RNF146: variants seen among roughly 807,000 people sequenced by gnomAD.
The protein encoded by RNF146 is ring finger protein 146.
RNF146 carries 11 observed loss-of-function variants against 29.7 expected under a neutral mutation model. The ratio of observed to expected loss-of-function variants is 0.37; its 90% confidence interval spans 0.23 to 0.61. RNF146 has a LOEUF of 0.61. Among genes scored for constraint, RNF146 ranks in the 20% least tolerant of loss-of-function variants. The pLI is 0.66. For missense variants in RNF146, 342 were observed against 438.9 expected (o/e 0.78, Z 1.97); for synonymous variants, 150 against 159.7 (o/e 0.94, Z 0.46).
rs1434737927 is a variant in RNF146 at position 127,288,516 on chromosome 6, A to G, written c.*823A>G. On this transcript the variant is annotated 3_prime_UTR_variant, in exon 3 of 3. Coordinates refer to ENST00000368314, the MANE Select transcript of RNF146 (RefSeq NM_001242850.2). ...TTTTTTTCTTAGAGATTATTTAAACAGAATCTATAGGCAGTGTGTATATAA... is the reference window on the plus strand; with the variant it reads ...TTTTTTTCTTAGAGATTATTTAAACGGAATCTATAGGCAGTGTGTATATAA... The G allele has an allele frequency of 6.0e-6, 1 of 166,924 alleles. No individual in the cohort carries two copies. Among genetic ancestry groups the G allele is most frequent in the Non-Finnish European group, 1.5e-5 (1 of 68,042 alleles). The allele number at this position is 166,924 out of a possible 1,614,324, so 10.3% of individuals were successfully genotyped here. A position where few individuals can be genotyped will look rare whatever the true frequency, so the allele number is the denominator to read the frequency against.
rs1779810089 is a variant in RNF146, at chr6:127,288,488, T to G, written c.*795T>G. 1 of 166,934 alleles carries G rather than the reference T, an allele frequency of 6.0e-6. No homozygotes were observed. The highest frequency in any genetic ancestry group is 2.1e-4 in the South Asian group (1 of 4,836). The allele number at this position is 166,934 out of a possible 1,614,324, so 10.3% of individuals were successfully genotyped here. A position where few individuals can be genotyped will look rare whatever the true frequency, so the allele number is the denominator to read the frequency against. The stretch of plus-strand genomic sequence containing the variant: ...GCTTAATCACCTGCTCAGAAAAGTT[T>G]GATTTTTTTCTTAGAGATTATTTAA... On this transcript the variant is annotated 3_prime_UTR_variant, in exon 3 of 3. Coordinates refer to ENST00000368314, the MANE Select transcript of RNF146 (RefSeq NM_001242850.2).
At chr6:127,272,080 A>G (rs1294612802) in intron 1 of RNF146, among the ~76,000 whole-genome samples, 2 of 152,328 alleles carry the variant, frequency 1.3e-5, no homozygotes, top group Middle Eastern at 3.4e-3. Context: ...TTAAAGGTAA[A>G]TTTGAATTTG....
intron 1 of RNF146, 71 bp downstream of exon 1, chr6:127,266,996 G>A (rs1188180981): frequency 6.6e-6 from 1 of 152,408 alleles, no homozygotes. Flanking sequence ...CTCACTCGGG[G>A]AGAGGAGGCA....
At chr6:127,278,149 T>C (rs1454839674) in intron 1 of RNF146, among the ~76,000 whole-genome samples, 2 of 152,042 alleles carry the variant, frequency 1.3e-5, no homozygotes, top group East Asian at 1.9e-4. Context: ...CTGTGTAATA[T>C]GATGTGCGTC....
chr6:127,268,768 A>G (rs964052555), intron 1 of RNF146, among the ~76,000 whole-genome samples: 1 of 152,164 alleles, frequency 6.6e-6, no homozygotes, highest in Admixed American at 6.5e-5. Flanking sequence ...AAAAAGAAAT[A>G]ACTTCTTTTA....
chr6:127,277,746 G>A (rs1303077209), intron 1 of RNF146, among the ~76,000 whole-genome samples: 1 of 152,028 alleles, frequency 6.6e-6, no homozygotes, highest in Non-Finnish European at 1.5e-5. Flanking sequence ...GATTAAGGGT[G>A]AGTCTGCCTT....
chr6:127,270,906 C>G (rs138907712), intron 1 of RNF146, among the ~76,000 whole-genome samples: 1 of 151,744 alleles, frequency 6.6e-6, no homozygotes, highest in Non-Finnish European at 1.5e-5. Flanking sequence ...ACCTCCACCT[C>G]CCAGATTCAA....
chr6:127,273,868 C>T (rs1777830498), intron 1 of RNF146, among the ~76,000 whole-genome samples: 1 of 152,108 alleles, frequency 6.6e-6, no homozygotes, highest in Non-Finnish European at 1.5e-5. Flanking sequence ...GTTATGGTCA[C>T]TGATACATTC....
rs140369665 is a variant in RNF146 at position 127,287,210 on chromosome 6, C to T, written c.597C>T (p.Asp199=). 117 of 1,613,122 alleles carry T rather than the reference C, an allele frequency of 7.3e-5. No individual in the cohort carries two copies. Among genetic ancestry groups the T allele is most frequent in the East Asian group, 1.3e-4 (6 of 44,844 alleles). ...ACCTAGCAAGAGAGAGCTCTGCTGA[C>T]GGAGCGGACAGTGTATCAGCACAGA... is the stretch of plus-strand genomic sequence containing the variant. ...TVNLARESSA[D]GADSVSAQSG... The change falls in exon 3 of 3, where the codon GAC becomes GAT. Residue 199 remains aspartate (D), a synonymous_variant. Transcript: ENST00000368314.
chr6:127,286,343 T>C lies in RNF146; in HGVS notation c.3-273T>C. The C allele has an allele frequency of 1.7e-6, 1 of 581,182 alleles. No individual in the cohort carries two copies. Among genetic ancestry groups the C allele is most frequent in the Non-Finnish European group, 2.7e-6 (1 of 373,342 alleles). The allele number at this position is 581,182 out of a possible 1,614,324, so 36.0% of individuals were successfully genotyped here. A position where few individuals can be genotyped will look rare whatever the true frequency, so the allele number is the denominator to read the frequency against. ...TCCCCTCACTGGATGCAGCTTTTCA[T>C]TATATAGTTCTTCAGTGTGTTTCTC... is the stretch of plus-strand genomic sequence containing the variant. On this transcript the variant is annotated intron_variant, in intron 2 of 2. Transcript: ENST00000368314. This position sits in a 1 kb window ranked among gnomAD's most constrained non-coding sequence, Gnocchi z 4.6.
chr6:127,284,579 C>A (rs1426681081), intron 2 of RNF146, among the ~76,000 whole-genome samples: 2 of 151,850 alleles, frequency 1.3e-5, no homozygotes, highest in African/African-American at 4.8e-5. Flanking sequence ...GAAAACCTAA[C>A]AAAATGTGTG....
At chr6:127,280,094 A>G (rs926399007) in intron 1 of RNF146, 137 bp from the exon 2 acceptor site, 4 of 490,928 alleles carry the variant, frequency 8.1e-6, no homozygotes, top group African/African-American at 1.9e-5. Flanking sequence ...GTCATGTTGA[A>G]TAGCAGTGGT....
At chr6:127,266,847 C>G (rs972421644), upstream of RNF146, 22 of 151,742 alleles carry the variant, frequency 1.4e-4, no homozygotes, top group African/African-American at 5.3e-4. Flanking sequence ...CACGTGACGG[C>G]CGCGCGCGTT....
intron 2 of RNF146, among the ~76,000 whole-genome samples, chr6:127,285,776 TCTTA>T (rs758140930): frequency 7.2e-4 from 110 of 151,934 alleles, no homozygotes; most frequent in Non-Finnish European, 1.1e-3. Flanking sequence ...CTCATCTCTC[TCTTA>T]CTGTTATTTT....
At chr6:127,267,771 T>A (rs1413971396) in intron 1 of RNF146, among the ~76,000 whole-genome samples, 1 of 152,184 alleles carries the variant, frequency 6.6e-6, no homozygotes, top group Non-Finnish European at 1.5e-5. Flanking sequence ...ACCCTCTGCA[T>A]CTTAAAAGCT....
Position 127,288,018 on chromosome 6 carries a change from A to T in RNF146, c.*325A>T. ...TCTGTGCATTAATGGTCCTCATCTG[A>T]CTCCTGCATTGTGTCTTATTTTTCT... On this transcript the variant is annotated 3_prime_UTR_variant, in exon 3 of 3. Coordinates refer to ENST00000368314, the MANE Select transcript of RNF146 (RefSeq NM_001242850.2). 5.3e-6 allele frequency: 1 copy of T among 188,798 alleles called. No homozygotes were observed. Among genetic ancestry groups the T allele is most frequent in the Non-Finnish European group, 1.2e-5 (1 of 82,216 alleles). The allele number at this position is 188,798 out of a possible 1,614,324, so 11.7% of individuals were successfully genotyped here. A position where few individuals can be genotyped will look rare whatever the true frequency, so the allele number is the denominator to read the frequency against.
At chr6:127,285,915 A>C in intron 2 of RNF146, 3 of 513,222 alleles carry the variant, frequency 5.8e-6, no homozygotes, top group Non-Finnish European at 5.9e-6. Context: ...ATCAGTACTT[A>C]GTATTGTATC....
rs994934563 is a variant in RNF146, at chr6:127,280,422, CAT to C, written c.2+85_2+86del. On this transcript the variant is annotated intron_variant, in intron 2 of 2. Transcript: ENST00000368314. ...AACGTGTGGTAAATTGAGTATCTGT[CAT>C]ATGTAGTTTTAATTATATTAAATGA... 3.4e-6 allele frequency: 5 copies of C among 1,461,102 alleles called. No homozygotes were observed. The African/African-American group carries it at 4.2e-5, about 12-fold the overall frequency. The allele number at this position is 1,461,102 out of a possible 1,614,324, so 90.5% of individuals were successfully genotyped here. A position where few individuals can be genotyped will look rare whatever the true frequency, so the allele number is the denominator to read the frequency against.
intron 1 of RNF146, among the ~76,000 whole-genome samples, chr6:127,275,727 T>G (rs182928779): frequency 6.6e-6 from 1 of 152,164 alleles, no homozygotes; most frequent in African/African-American, 2.4e-5. Flanking sequence ...CATTTCTGTG[T>G]AATATATTAA....
Sources: allele counts gnomAD v4.1 joint callset (sites outside exome capture counted in the v4.1 genomes callset), GRCh38; gene constraint gnomAD v4.1.1; non-coding constraint Gnocchi (gnomAD v3.1); transcripts MANE v1.5; gene names NCBI Gene and HGNC (gene_info 2026-07-23, HGNC 2026-07-21).